Variants in ZMAT4 observed in about 807,000 individuals in gnomAD.
ZMAT4 encodes the protein zinc finger matrin-type protein 4.
Under a neutral mutation model 28.7 loss-of-function variants are expected in ZMAT4, and 17 were observed. The ratio of observed to expected loss-of-function variants is 0.59; its 90% CI spans 0.41 to 0.89. ZMAT4 has a LOEUF of 0.89. Ranked by LOEUF, ZMAT4 falls within the 40% of genes least tolerant of loss-of-function variation. The pLI, the probability that ZMAT4 is intolerant of heterozygous loss-of-function variation, is 0.00. For missense variants in ZMAT4, 240 were observed against 283.8 expected (o/e 0.85, Z 1.11); for synonymous variants, 117 against 109.2 (o/e 1.07, Z -0.44).
At chr8:40,719,564 G>T (rs978406752) in intron 3 of ZMAT4, among the ~76,000 whole-genome samples, 20 of 152,080 alleles carry the variant, frequency 1.3e-4, no homozygotes, top group South Asian at 1.0e-3. Flanking sequence ...GGCACTCAAG[G>T]CCCTTTTTTT....
chr8:40,820,798 T>C (rs1298415469), intron 2 of ZMAT4, among the ~76,000 whole-genome samples: 2 of 116,330 alleles, frequency 1.7e-5, no homozygotes, highest in Admixed American at 1.2e-4. Flanking sequence ...TCTGTGTGTG[T>C]ATATATGTGT....
At chr8:40,886,674 A>G (rs956676817) in intron 1 of ZMAT4, among the ~76,000 whole-genome samples, 7 of 152,212 alleles carry the variant, frequency 4.6e-5, no homozygotes, top group African/African-American at 1.7e-4. Flanking sequence ...TTGCTGTGCC[A>G]TGAGCTGCTC....
intron 1 of ZMAT4, among the ~76,000 whole-genome samples, chr8:40,881,367 A>G (rs1818214751): frequency 6.6e-6 from 1 of 150,616 alleles, no homozygotes; most frequent in Non-Finnish European, 1.5e-5. Context: ...CAGCCTGGGC[A>G]ACAGAGCAAG....
intron 1 of ZMAT4, among the ~76,000 whole-genome samples, chr8:40,847,300 G>A (rs112125280): frequency 1.1e-3 from 161 of 151,932 alleles, no homozygotes; most frequent in Non-Finnish European, 1.4e-3. Context: ...TAAAAAATGC[G>A]TAGAGTCATA....
At chr8:40,593,129 T>A (rs1192025275) in intron 5 of ZMAT4, among the ~76,000 whole-genome samples, 1 of 152,210 alleles carries the variant, frequency 6.6e-6, no homozygotes, top group Admixed American at 6.5e-5. Flanking sequence ...TTCCTTCCCA[T>A]GCCGGTGCCA....
At chr8:40,681,380 AT>A (rs1563408306) in intron 4 of ZMAT4, among the ~76,000 whole-genome samples, 1 of 152,160 alleles carries the variant, frequency 6.6e-6, no homozygotes, top group Admixed American at 6.5e-5. Flanking sequence ...AACTGCCTTT[AT>A]TTTTTTCCTA....
intron 6 of ZMAT4, among the ~76,000 whole-genome samples, chr8:40,548,454 G>A (rs1306549531): frequency 6.6e-6 from 1 of 152,130 alleles, no homozygotes; most frequent in Non-Finnish European, 1.5e-5. Flanking sequence ...CCAAGACTGT[G>A]ATTTATGCAT....
chr8:40,534,077 A>G (rs147698753), intron 6 of ZMAT4, among the ~76,000 whole-genome samples: 1 of 152,302 alleles, frequency 6.6e-6, no homozygotes, highest in African/African-American at 2.4e-5. Flanking sequence ...AATCAGATGA[A>G]AGGGTTTTTT....
At chr8:40,644,818 T>C (rs578024428) in intron 5 of ZMAT4, among the ~76,000 whole-genome samples, 1 of 152,264 alleles carries the variant, frequency 6.6e-6, no homozygotes, top group African/African-American at 2.4e-5. Flanking sequence ...CTTGATATGA[T>C]GTGATGAAAA....
chr8:40,589,766 C>CTT (rs1554524016), intron 5 of ZMAT4, among the ~76,000 whole-genome samples: 28 of 134,692 alleles, frequency 2.1e-4, no homozygotes, highest in African/African-American at 7.5e-4. Context: ...CTTTCTTTTT[C>CTT]TTTCTTTCTT....
At chr8:40,548,617 T>G (rs186017908) in intron 6 of ZMAT4, among the ~76,000 whole-genome samples, 1 of 152,188 alleles carries the variant, frequency 6.6e-6, no homozygotes, top group African/African-American at 2.4e-5. Context: ...GAAAGTCAGA[T>G]AATGTCTCAC....
intron 5 of ZMAT4, among the ~76,000 whole-genome samples, chr8:40,665,220 A>G (rs1379429841): frequency 6.7e-6 from 1 of 149,640 alleles, no homozygotes. Context: ...ACAAACAACA[A>G]CAAAAAAACA....
intron 4 of ZMAT4, among the ~76,000 whole-genome samples, chr8:40,678,725 CT>C (rs1335209433): frequency 6.6e-6 from 1 of 152,164 alleles, no homozygotes; most frequent in Non-Finnish European, 1.5e-5. Flanking sequence ...CATTGGCTCT[CT>C]TCTAGTACAT....
At chr8:40,591,972 T>C (rs1327382785) in intron 5 of ZMAT4, among the ~76,000 whole-genome samples, 1 of 10,006 alleles carries the variant, frequency 1.0e-4, no homozygotes, top group Non-Finnish European at 3.3e-4. Context: ...ACTAGGTCTT[T>C]TATGGAAAAA....
chr8:40,841,140 A>G (rs765392538), intron 1 of ZMAT4, among the ~76,000 whole-genome samples: 5 of 152,252 alleles, frequency 3.3e-5, no homozygotes, highest in African/African-American at 4.8e-5. Context: ...TTCGATCTGC[A>G]GCATGACTCC....
At chr8:40,580,564 G>A (rs1804429656) in intron 6 of ZMAT4, among the ~76,000 whole-genome samples, 1 of 152,100 alleles carries the variant, frequency 6.6e-6, no homozygotes, top group African/African-American at 2.4e-5. Context: ...GTTTAAAAAT[G>A]TCCAGTGGTT....
intron 2 of ZMAT4, among the ~76,000 whole-genome samples, chr8:40,798,327 G>A (rs1157270895): frequency 6.6e-6 from 1 of 152,198 alleles, no homozygotes; most frequent in Admixed American, 6.5e-5. Flanking sequence ...CTCCACAGTA[G>A]AATGTGTTCT....
intron 2 of ZMAT4, among the ~76,000 whole-genome samples, chr8:40,768,063 A>G (rs915539763): frequency 1.3e-5 from 2 of 152,222 alleles, no homozygotes; most frequent in African/African-American, 2.4e-5. Flanking sequence ...ATTAATTGTG[A>G]TAAGAAGAGG....
chr8:40,809,913 G>A (rs967742885), intron 2 of ZMAT4, among the ~76,000 whole-genome samples: 18 of 151,882 alleles, frequency 1.2e-4, no homozygotes, highest in African/African-American at 3.9e-4. Context: ...GCATGGTGGC[G>A]GGCACCTGTA....
Sources: allele counts gnomAD v4.1 joint callset (sites outside exome capture counted in the v4.1 genomes callset), GRCh38; gene constraint gnomAD v4.1.1; transcripts MANE v1.5; gene names NCBI Gene and HGNC (gene_info 2026-07-23, HGNC 2026-07-21).